Variants in MYO5A observed in about 807,000 individuals in gnomAD.
MYO5A encodes unconventional myosin-Va.
Under a neutral mutation model 249.7 loss-of-function variants are expected in MYO5A, and 98 were observed. The observed-to-expected ratio is 0.39, with a 90% CI of 0.33 to 0.46. MYO5A has a LOEUF of 0.46. Among genes scored for constraint, MYO5A ranks in the 20% least tolerant of loss-of-function variants. The pLI, the probability that MYO5A is intolerant of heterozygous loss-of-function variation, is 0.98. For missense variants in MYO5A, 1,696 were observed against 2,308.8 expected (o/e 0.73, Z 5.44); for synonymous variants, 778 against 810.6 (o/e 0.96, Z 0.68).
At chr15:52,316,255 A>AAAAG (rs1257939854) in intron 40 of MYO5A, among the ~76,000 whole-genome samples, 32 of 150,730 alleles carry the variant, frequency 2.1e-4, no homozygotes, top group East Asian at 1.9e-3. Context: ...AAAAAAAAAA[A>AAAAG]AAAGAAAGAA....
intron 11 of MYO5A, among the ~76,000 whole-genome samples, chr15:52,392,470 C>G (rs2042282628): frequency 6.6e-6 from 1 of 152,240 alleles, no homozygotes; most frequent in African/African-American, 2.4e-5. Flanking sequence ...CTGAATCATG[C>G]TGGGCAATGC....
At chr15:52,509,508 A>C (rs2077347750) in intron 1 of MYO5A, among the ~76,000 whole-genome samples, 1 of 152,248 alleles carries the variant, frequency 6.6e-6, no homozygotes, top group African/African-American at 2.4e-5. Context: ...TGAAGAAAAC[A>C]GTGATGGGAA....
intron 38 of MYO5A, among the ~76,000 whole-genome samples, chr15:52,319,751 G>A (rs1787535377): frequency 6.6e-6 from 1 of 152,058 alleles, no homozygotes; most frequent in Non-Finnish European, 1.5e-5. Context: ...AAAATGATCT[G>A]GGTGCCAAAA....
Position 52,391,842 on chromosome 15 carries a change from A to G in MYO5A, c.1542+88T>C, listed in dbSNP as rs1019238618. ...TCACCACGACGGCATTCCATGATAT[A>G]CTAATGAATCTCTCCTTGAACCCAC... On this transcript the variant is annotated intron_variant, in intron 12 of 41. Transcript: ENST00000399233. 15 of 1,357,628 alleles carry G rather than the reference A, an allele frequency of 1.1e-5. No individual in the cohort carries two copies. In the South Asian group the frequency reaches 1.8e-4, roughly 16 times the overall value. 84.1% of individuals were successfully genotyped at this position (1,357,628 alleles called of 1,614,324 possible). A position where few individuals can be genotyped will look rare whatever the true frequency, so the allele number is the denominator to read the frequency against.
chr15:52,432,177 A>G (rs1567120544), intron 2 of MYO5A, among the ~76,000 whole-genome samples: 1 of 152,278 alleles, frequency 6.6e-6, no homozygotes, highest in Non-Finnish European at 1.5e-5. Flanking sequence ...GAAGAATTCT[A>G]GTTAATAAGT....
intron 1 of MYO5A, among the ~76,000 whole-genome samples, chr15:52,495,385 C>G (rs1230212049): frequency 6.6e-6 from 1 of 152,016 alleles, no homozygotes; most frequent in Non-Finnish European, 1.5e-5. Flanking sequence ...ATGGAGATTA[C>G]CAGAGGCTGA....
In MYO5A at chr15:52,383,091, G is replaced by A. The variant is rs777233118; in HGVS notation, c.2012C>T (p.Thr671Met). Residue 671 changes from threonine to methionine, a missense_variant and splice_region_variant, in exon 16 of 42, where the codon ACG (threonine) becomes ATG (methionine). Physicochemically the swap from Thr to Met is moderately conservative, Grantham distance 81. Transcript: ENST00000399233. ...CACTGGGTGGTTCAGAAATACTTAC[G>A]TGAATGGGAACTTGAAGTCATTAGG... ...IKPNDFKFPF[T>M]FDEKRAVQQL... 1.1e-5 allele frequency: 18 copies of A among 1,607,364 alleles called. No individual in the cohort carries two copies. The highest frequency in any genetic ancestry group is 9.4e-5 in the African/African-American group (7 of 74,728).
intron 3 of MYO5A, among the ~76,000 whole-genome samples, chr15:52,428,194 T>C (rs2075439872): frequency 6.6e-6 from 1 of 152,232 alleles, no homozygotes; most frequent in Admixed American, 6.5e-5. Context: ...CCAGTCTTTT[T>C]ATTTTTAGCA....
chr15:52,448,003 G>A (rs993871447), intron 1 of MYO5A, among the ~76,000 whole-genome samples: 1 of 152,216 alleles, frequency 6.6e-6, no homozygotes, highest in Non-Finnish European at 1.5e-5. Context: ...AGGGAAATGT[G>A]GGGTTGGGGC....
chr15:52,495,850 C>T (rs1313782564), intron 1 of MYO5A, among the ~76,000 whole-genome samples: 1 of 152,024 alleles, frequency 6.6e-6, no homozygotes, highest in East Asian at 1.9e-4. Flanking sequence ...ATCTGTTATA[C>T]AGTTTCCAAG....
intron 1 of MYO5A, among the ~76,000 whole-genome samples, chr15:52,473,268 A>G (rs559450966): frequency 1.4e-3 from 218 of 152,198 alleles, no homozygotes; most frequent in African/African-American, 5.1e-3. Flanking sequence ...AAATTTGTTT[A>G]AGTTCTTTGT....
intron 22 of MYO5A, among the ~76,000 whole-genome samples, chr15:52,368,529 T>C (rs554324547): frequency 8.5e-5 from 13 of 152,292 alleles, no homozygotes; most frequent in African/African-American, 3.1e-4. Flanking sequence ...TTGATCAGAC[T>C]GAGAATGTCA....
chr15:52,421,992 A>C (rs2043815629), intron 4 of MYO5A, among the ~76,000 whole-genome samples: 1 of 152,228 alleles, frequency 6.6e-6, no homozygotes. Flanking sequence ...AAATATAGCA[A>C]ATTAAAGCCA....
chr15:52,391,975 T>C lies in MYO5A; in HGVS notation c.1497A>G (p.Ile499Met). The change falls in exon 12 of 42, where the codon ATA becomes ATG. Residue 499 changes from isoleucine (I) to methionine (M), a missense_variant. By Grantham distance (10) the Ile-to-Met change is conservative. Coordinates refer to ENST00000399233, the MANE Select transcript of MYO5A (RefSeq NM_001382347.1). ...AATCTAGAATGCCTAGTTTTGATTCTATAAGATTAATACAAGGCTGATTAT... is the reference window on the plus strand; with the variant it reads ...AATCTAGAATGCCTAGTTTTGATTCCATAAGATTAATACAAGGCTGATTAT... ...FYDNQPCINLIESKLGILDLL... is the reference protein window; with the variant it reads ...FYDNQPCINLMESKLGILDLL... 1 of 1,612,908 alleles carries C rather than the reference T, an allele frequency of 6.2e-7. No homozygotes were observed. Among genetic ancestry groups the C allele is most frequent in the Non-Finnish European group, 8.5e-7 (1 of 1,179,234 alleles).
chr15:52,325,779 C>G (rs1329754443), intron 36 of MYO5A, among the ~76,000 whole-genome samples: 1 of 151,650 alleles, frequency 6.6e-6, no homozygotes, highest in African/African-American at 2.4e-5. Context: ...ATGAGATACT[C>G]TATATTACTT....
chr15:52,358,830 T>C (rs1193563997), intron 25 of MYO5A, among the ~76,000 whole-genome samples: 1 of 152,166 alleles, frequency 6.6e-6, no homozygotes, highest in Non-Finnish European at 1.5e-5. Flanking sequence ...ATTTATTACA[T>C]AGCAATAGAT....
intron 1 of MYO5A, among the ~76,000 whole-genome samples, chr15:52,449,881 G>A (rs950225129): frequency 2.0e-5 from 3 of 152,158 alleles, no homozygotes; most frequent in Non-Finnish European, 1.5e-5. Context: ...CATGCCTGCA[G>A]TCCCAGCTAC....
rs1287310011 is a variant in MYO5A at position 52,312,688 on chromosome 15, G to A, written c.*1008C>T. ...TAATTCTTAATAAATTAAGAAGAGA[G>A]AAAACCTGTCAAGGTTGAAAATATG... is the stretch of plus-strand genomic sequence containing the variant. On this transcript the variant is annotated 3_prime_UTR_variant, in exon 42 of 42. Coordinates refer to ENST00000399233, the MANE Select transcript of MYO5A (RefSeq NM_001382347.1). 6.6e-6 allele frequency: 1 copy of A among 152,224 alleles called. No individual in the cohort carries two copies. The highest frequency in any genetic ancestry group is 1.5e-5 in the Non-Finnish European group (1 of 68,046). The allele number at this position is 152,224 out of a possible 1,614,324, so 9.4% of individuals were successfully genotyped here.
chr15:52,419,885 T>C (rs2043705811), intron 4 of MYO5A, among the ~76,000 whole-genome samples: 1 of 152,246 alleles, frequency 6.6e-6, no homozygotes, highest in South Asian at 2.1e-4. Flanking sequence ...TGCTGCAACC[T>C]TCTGGGGTAG....
Sources: gnomAD v4.1 joint callset for allele counts (sites outside exome capture counted in the v4.1 genomes callset) on GRCh38, gnomAD v4.1.1 for gene constraint, MANE v1.5 for transcripts, NCBI Gene and HGNC (gene_info 2026-07-23, HGNC 2026-07-21) for gene names.